Variants in LHFPL3 observed in about 807,000 individuals in gnomAD.
LHFPL3 encodes the protein LHFPL tetraspan subfamily member 3.
Under a neutral mutation model 19.3 loss-of-function variants are expected in LHFPL3, and 5 were observed. That is an observed-to-expected ratio of 0.26 (90% CI 0.14 to 0.54). The LOEUF is 0.54. Ranked by LOEUF, LHFPL3 falls within the 20% of genes least tolerant of loss-of-function variation. LHFPL3 has a pLI of 0.94. For synonymous variants in LHFPL3, 133 were observed against 126.2 expected (o/e 1.05, Z -0.36); for missense variants, 249 against 307.4 (o/e 0.81, Z 1.42).
intron 1 of LHFPL3, among the ~76,000 whole-genome samples, chr7:104,616,597 A>T (rs1251970959): frequency 6.6e-6 from 1 of 152,240 alleles, no homozygotes; most frequent in Non-Finnish European, 1.5e-5. Flanking sequence ...CATGACTAAA[A>T]CACCAAAAGC....
chr7:104,739,848 T>C (rs1273161671), intron 2 of LHFPL3, among the ~76,000 whole-genome samples: 3 of 152,248 alleles, frequency 2.0e-5, no homozygotes, highest in Non-Finnish European at 4.4e-5. Flanking sequence ...CTGATAGAGA[T>C]TACACATCTG....
At chr7:104,735,168 A>T (rs978183491) in intron 1 of LHFPL3, among the ~76,000 whole-genome samples, 13 of 152,172 alleles carry the variant, frequency 8.5e-5, no homozygotes, top group Admixed American at 4.6e-4. Flanking sequence ...GGAGTGAGGG[A>T]CCCACTTGAG....
Position 104,798,026 on chromosome 7 carries a change from G to T in LHFPL3, c.682+61115G>T, listed in dbSNP as rs541240433. Reference sequence around the variant, plus strand: ...ATCTAGTCCTAGGTGGGGTGGCAGTGGGGGGGGCGGCACTATGTGAGGTGG... The same window carrying T: ...ATCTAGTCCTAGGTGGGGTGGCAGTTGGGGGGGCGGCACTATGTGAGGTGG... On this transcript the variant is annotated intron_variant, in intron 2 of 2. Coordinates refer to ENST00000424859, the MANE Select transcript of LHFPL3 (RefSeq NM_199000.3). Among the ~76,000 whole-genome samples the T allele has an allele frequency of 1.3e-4, 15 of 115,390 alleles. No individual in the cohort carries two copies. In the East Asian group the frequency reaches 2.2e-3, roughly 17 times the overall value. The allele number at this position is 115,390 out of a possible 152,430, so 75.7% of individuals were successfully genotyped here.
At chr7:104,694,681 G>A (rs1483510309) in intron 1 of LHFPL3, among the ~76,000 whole-genome samples, 4 of 152,176 alleles carry the variant, frequency 2.6e-5, no homozygotes, top group Non-Finnish European at 5.9e-5. Flanking sequence ...TGTCACAGGT[G>A]AGTGGCAACT....
At chr7:104,561,010 C>A (rs1584402325) in intron 1 of LHFPL3, among the ~76,000 whole-genome samples, 1 of 151,316 alleles carries the variant, frequency 6.6e-6, no homozygotes, top group African/African-American at 2.5e-5. Flanking sequence ...GATTCTTAAC[C>A]CTGAGTTCTA....
At position 104,668,439 on chromosome 7, in the gene LHFPL3, G is replaced by A. The variant is rs1000050462; in HGVS notation, c.446-68236G>A. The A allele has an allele frequency of 2.5e-6, 4 of 1,609,214 alleles. No individual in the cohort carries two copies. The African/African-American group carries it at 4.0e-5, about 16-fold the overall frequency. On this transcript the variant is annotated intron_variant, in intron 1 of 2. Coordinates refer to ENST00000424859, the MANE Select transcript of LHFPL3 (RefSeq NM_199000.3). ...CAAGTATCGAGATCGTTATGATTCAGACCGGTATCGGGATGGGTATCGGGA... is the reference window on the plus strand; with the variant it reads ...CAAGTATCGAGATCGTTATGATTCAAACCGGTATCGGGATGGGTATCGGGA...
At chr7:104,866,260 A>C (rs1791720021) in intron 2 of LHFPL3, among the ~76,000 whole-genome samples, 1 of 152,248 alleles carries the variant, frequency 6.6e-6, no homozygotes, top group East Asian at 1.9e-4. Flanking sequence ...TAAATGCTCC[A>C]ATTAAAAGAC....
intron 2 of LHFPL3, among the ~76,000 whole-genome samples, chr7:104,740,890 A>G (rs1374347136): frequency 6.6e-6 from 1 of 152,214 alleles, no homozygotes; most frequent in Admixed American, 6.5e-5. Flanking sequence ...TATTGCTTAG[A>G]TCCATGAATG....
chr7:104,485,316 A>C (rs569474732), intron 1 of LHFPL3, among the ~76,000 whole-genome samples: 6 of 151,736 alleles, frequency 4.0e-5, no homozygotes, highest in South Asian at 4.2e-4. Context: ...CATATGTTTT[A>C]TTTTCTTGGA....
intron 1 of LHFPL3, among the ~76,000 whole-genome samples, chr7:104,631,604 A>G (rs747326040): frequency 2.6e-4 from 39 of 152,222 alleles, no homozygotes; most frequent in Non-Finnish European, 4.4e-4. Flanking sequence ...AAAAGATAAA[A>G]TAGTCTCCAC....
chr7:104,673,353 A>G (rs1326500417), intron 1 of LHFPL3, among the ~76,000 whole-genome samples: 1 of 152,238 alleles, frequency 6.6e-6, no homozygotes, highest in Non-Finnish European at 1.5e-5. Context: ...GTTCGCTTTT[A>G]TCTATACTGT....
intron 2 of LHFPL3, among the ~76,000 whole-genome samples, chr7:104,828,892 G>A (rs1187331688): frequency 6.6e-6 from 1 of 151,834 alleles, no homozygotes; most frequent in Non-Finnish European, 1.5e-5. Context: ...AAAATTAGCT[G>A]GGCATGATGG....
chr7:104,430,406 A>G (rs185545486), intron 1 of LHFPL3, among the ~76,000 whole-genome samples: 538 of 31,126 alleles, frequency 0.017, 8 homozygotes, highest in Non-Finnish European at 0.019. Flanking sequence ...ATATATATAC[A>G]TATATATATA....
chr7:104,384,553 G>A (rs943750113), intron 1 of LHFPL3, among the ~76,000 whole-genome samples: 8 of 151,752 alleles, frequency 5.3e-5, no homozygotes, highest in African/African-American at 1.2e-4. Flanking sequence ...TTGGGAGGCC[G>A]AGGCGGGTGG....
intron 1 of LHFPL3, among the ~76,000 whole-genome samples, chr7:104,611,154 G>A (rs114840283): frequency 9.9e-5 from 15 of 152,274 alleles, no homozygotes; most frequent in African/African-American, 3.6e-4. Context: ...CCTGGGTAGT[G>A]GCAGTGATGA....
At chr7:104,526,986 A>G (rs759803857) in intron 1 of LHFPL3, among the ~76,000 whole-genome samples, 20 of 152,228 alleles carry the variant, frequency 1.3e-4, no homozygotes, top group Non-Finnish European at 2.8e-4. Flanking sequence ...AAAGCTGGGT[A>G]AAAGGAATAA....
chr7:104,553,035 G>A (rs1276876959), intron 1 of LHFPL3, among the ~76,000 whole-genome samples: 2 of 152,156 alleles, frequency 1.3e-5, no homozygotes, highest in African/African-American at 4.8e-5. Context: ...AGCCCTTAGA[G>A]TGCTGCCTCA....
intron 1 of LHFPL3, among the ~76,000 whole-genome samples, chr7:104,450,392 T>TA (rs1451337534): frequency 6.6e-6 from 1 of 152,222 alleles, no homozygotes; most frequent in African/African-American, 2.4e-5. Flanking sequence ...TTCCATAGTG[T>TA]ATATGTACCA....
At position 104,397,920 on chromosome 7, in the gene LHFPL3, A is replaced by G. The variant is rs536335148; in HGVS notation, c.445+68696A>G. 2.3e-4 allele frequency among the ~76,000 whole-genome samples: 35 copies of G among 152,322 alleles called. No individual in the cohort carries two copies. The South Asian group carries it at 7.3e-3, about 32-fold the overall frequency. ...ACATAGTTTACCTTGAGTTTCATTG[A>G]GAGCAGAAAACAGAACTGCTTCAAA... On this transcript the variant is annotated intron_variant, in intron 1 of 2. Transcript: ENST00000424859.
Sources: gnomAD v4.1 joint callset for allele counts (sites outside exome capture counted in the v4.1 genomes callset) on GRCh38, gnomAD v4.1.1 for gene constraint, MANE v1.5 for transcripts, NCBI Gene and HGNC (gene_info 2026-07-23, HGNC 2026-07-21) for gene names.